Variants in HHIP observed in about 807,000 individuals in gnomAD.
HHIP encodes the protein hedgehog interacting protein, also known as hedgehog-interacting protein.
A neutral mutation model predicts 74.0 loss-of-function variants in HHIP; 12 were observed. The ratio of observed to expected loss-of-function variants is 0.16; its 90% CI spans 0.10 to 0.26. HHIP has a LOEUF of 0.26. Among genes scored for constraint, HHIP ranks in the 10% least tolerant of loss-of-function variants. The pLI is 1.00. For missense variants in HHIP, 788 were observed against 845.0 expected (o/e 0.93, Z 0.84); for synonymous variants, 309 against 311.6 (o/e 0.99, Z 0.09).
At chr4:144,713,026 T>C (rs937632061) in intron 8 of HHIP, among the ~76,000 whole-genome samples, 1 of 151,890 alleles carries the variant, frequency 6.6e-6, no homozygotes, top group African/African-American at 2.4e-5. Context: ...AACAAAATTC[T>C]ACAGTCACAT....
At chr4:144,687,462 T>A (rs1729522451) in intron 4 of HHIP, among the ~76,000 whole-genome samples, 2 of 152,180 alleles carry the variant, frequency 1.3e-5, no homozygotes, top group African/African-American at 4.8e-5. Flanking sequence ...TAATGATGCA[T>A]CCCTGCTTAA....
chr4:144,689,535 T>C (rs1047348712), intron 4 of HHIP, among the ~76,000 whole-genome samples: 3 of 152,190 alleles, frequency 2.0e-5, no homozygotes, highest in African/African-American at 7.2e-5. Context: ...GGTGGTAAAG[T>C]ACAACATTTT....
chr4:144,700,224 G>A (rs1197436499), intron 4 of HHIP, among the ~76,000 whole-genome samples: 5 of 152,172 alleles, frequency 3.3e-5, no homozygotes, highest in Non-Finnish European at 7.4e-5. Context: ...CTATGAGAAA[G>A]AGCTTGTTGT....
chr4:144,692,321 C>T (rs899534013), intron 4 of HHIP, among the ~76,000 whole-genome samples: 2 of 152,124 alleles, frequency 1.3e-5, no homozygotes, highest in African/African-American at 4.8e-5. Context: ...ACCGTATTTA[C>T]GTGTGCCCTC....
At chr4:144,667,154 G>A (rs767628123) in intron 4 of HHIP, among the ~76,000 whole-genome samples, 2 of 152,032 alleles carry the variant, frequency 1.3e-5, no homozygotes, top group African/African-American at 2.4e-5. Context: ...TTCAAGACCA[G>A]CTTTATCAAC....
intron 4 of HHIP, among the ~76,000 whole-genome samples, chr4:144,692,850 A>G (rs571184197): frequency 6.6e-6 from 1 of 151,336 alleles, no homozygotes; most frequent in Admixed American, 6.6e-5. Context: ...ACCGAGACAC[A>G]GAGAGGCTAA....
Position 144,659,771 on chromosome 4 carries a change from C to A in HHIP, c.764C>A (p.Thr255Asn), listed in dbSNP as rs200791041. 2.8e-5 allele frequency: 45 copies of A among 1,612,696 alleles called. No homozygotes were observed. The highest frequency in any genetic ancestry group is 3.6e-5 in the Non-Finnish European group (43 of 1,179,518). Reference protein sequence around the residue: ...LEKEGYVKILTPEGEIFKEPY... With the variant: ...LEKEGYVKILNPEGEIFKEPY... Reference sequence around the variant, plus strand: ...AAAGAAGGTTATGTGAAGATACTTACCCCTGAAGGAGAAATTTTCAAGGAG... The same window carrying A: ...AAAGAAGGTTATGTGAAGATACTTAACCCTGAAGGAGAAATTTTCAAGGAG... The change falls in exon 4 of 13, where the codon ACC (threonine) becomes AAC (asparagine). Residue 255 changes from threonine to asparagine, a missense_variant. By Grantham distance (65) the Thr-to-Asn change is moderately conservative. This residue lies in a region of HHIP where 373 missense variants were observed against 366.4 expected (regional missense o/e 1.02). Coordinates refer to ENST00000296575, the MANE Select transcript of HHIP (RefSeq NM_022475.3).
rs1469770806 is a variant in HHIP at position 144,738,325 on chromosome 4, A to G, written c.*368A>G. The G allele has an allele frequency of 1.0e-6, 1 of 982,600 alleles. No individual in the cohort carries two copies. Among genetic ancestry groups the G allele is most frequent in the Admixed American group, 6.1e-5 (1 of 16,390 alleles). The allele number at this position is 982,600 out of a possible 1,614,324, so 60.9% of individuals were successfully genotyped here. On this transcript the variant is annotated 3_prime_UTR_variant, in exon 13 of 13. Transcript: ENST00000296575. ...TTTCTGTCTGTAATCACTAAAGTCA[A>G]CTTTAATAGAGTTTTGAAACAGTAC... is the stretch of plus-strand genomic sequence containing the variant.
At chr4:144,730,102 T>C (rs1730912459) in intron 11 of HHIP, among the ~76,000 whole-genome samples, 1 of 152,178 alleles carries the variant, frequency 6.6e-6, no homozygotes, top group Non-Finnish European at 1.5e-5. Flanking sequence ...CATTCACTGT[T>C]GGTCTTAGCT....
rs540237588 is a variant in HHIP at position 144,647,095 on chromosome 4, A to T, written c.279+141A>T. On this transcript the variant is annotated intron_variant, in intron 1 of 12. Coordinates refer to ENST00000296575, the MANE Select transcript of HHIP (RefSeq NM_022475.3). ...TTTCCATAACTTTTCTATAGCGCTA[A>T]CGTGATTCCGTTGTGTGTTCCTCTG... 7 of 664,506 alleles carry T rather than the reference A, an allele frequency of 1.1e-5. No homozygotes were observed. In the East Asian group the frequency reaches 1.9e-4, roughly 18 times the overall value. The allele number at this position is 664,506 out of a possible 1,614,324, so 41.2% of individuals were successfully genotyped here.
At chr4:144,661,938 G>A (rs1355687616) in intron 4 of HHIP, among the ~76,000 whole-genome samples, 4 of 152,078 alleles carry the variant, frequency 2.6e-5, no homozygotes, top group Non-Finnish European at 5.9e-5. Flanking sequence ...AGTATTAGTT[G>A]CAATACTCAA....
chr4:144,689,168 T>G (rs1016316397), intron 4 of HHIP, among the ~76,000 whole-genome samples: 1 of 152,274 alleles, frequency 6.6e-6, no homozygotes, highest in South Asian at 2.1e-4. Context: ...TTTATTAATG[T>G]ATTTTATTTC....
intron 4 of HHIP, among the ~76,000 whole-genome samples, chr4:144,666,931 T>C (rs1728880078): frequency 6.6e-6 from 1 of 152,154 alleles, no homozygotes; most frequent in Non-Finnish European, 1.5e-5. Flanking sequence ...CACATAAATG[T>C]GAAGTGCTTT....
chr4:144,646,615 G>C lies in HHIP; in HGVS notation c.-61G>C. On this transcript the variant is annotated 5_prime_UTR_variant, in exon 1 of 13. Coordinates refer to ENST00000296575, the MANE Select transcript of HHIP (RefSeq NM_022475.3). The stretch of plus-strand genomic sequence containing the variant: ...CCTGGAGCTGCGCCCTAGTGCCCCT[G>C]CTGGGCAGTGGCGTTCCCCCCCATC... The C allele has an allele frequency of 6.4e-7, 1 of 1,554,774 alleles. No individual in the cohort carries two copies. The highest frequency in any genetic ancestry group is 8.8e-7 in the Non-Finnish European group (1 of 1,142,418).
chr4:144,660,693 G>T (rs763583105), intron 4 of HHIP, among the ~76,000 whole-genome samples: 1 of 151,992 alleles, frequency 6.6e-6, no homozygotes, highest in Non-Finnish European at 1.5e-5. Context: ...CAAATCAGAA[G>T]AAACAAGTCA....
At chr4:144,707,456 T>C (rs1021659985) in intron 6 of HHIP, among the ~76,000 whole-genome samples, 196 bp downstream of exon 6, 2 of 152,124 alleles carry the variant, frequency 1.3e-5, no homozygotes, top group African/African-American at 4.8e-5. Flanking sequence ...TTGTTTGTCA[T>C]GAAAAGAGTT....
At position 144,715,447 on chromosome 4, in the gene HHIP, T is replaced by C. The variant is rs1389663392; in HGVS notation, c.1678+17T>C. 6 of 1,603,640 alleles carry C rather than the reference T, an allele frequency of 3.7e-6. No individual in the cohort carries two copies. Among genetic ancestry groups the C allele is most frequent in the South Asian group, 1.1e-5 (1 of 89,866 alleles). The stretch of plus-strand genomic sequence containing the variant: ...ATGAACTAGGTACTGTACAATCTAG[T>C]TCTGTTAAGTTTCATTCTCACTTCC... On this transcript the variant is annotated intron_variant, in intron 10 of 12. Transcript: ENST00000296575.
rs191869915 is a variant in HHIP at position 144,701,291 on chromosome 4, T to A, written c.832-5240T>A. Among the ~76,000 whole-genome samples the A allele has an allele frequency of 7.1e-4, 107 of 151,420 alleles. No homozygotes were observed. In the Admixed American group the frequency reaches 7.1e-3, roughly 10 times the overall value. On this transcript the variant is annotated intron_variant, in intron 4 of 12. Coordinates refer to ENST00000296575, the MANE Select transcript of HHIP (RefSeq NM_022475.3). ...TGTAGAAACTCCGCTTACTTCTTCA[T>A]GTAAGTTTTTATGTAATTAAGCTGT...
At chr4:144,709,471 G>C (rs1578715106) in intron 7 of HHIP, among the ~76,000 whole-genome samples, 1 of 152,246 alleles carries the variant, frequency 6.6e-6, no homozygotes, top group East Asian at 1.9e-4. Flanking sequence ...CATGGGATGA[G>C]GTGCTTTACA....
Sources: gnomAD v4.1 joint callset for allele counts (sites outside exome capture counted in the v4.1 genomes callset) on GRCh38, gnomAD v4.1.1 for gene constraint, gnomAD v4.1.1 regional missense constraint, MANE v1.5 for transcripts, NCBI Gene and HGNC (gene_info 2026-07-23, HGNC 2026-07-21) for gene names.